The following THSD4 variants were observed in gnomAD, a reference collection of about 807,000 sequenced individuals.
THSD4 encodes thrombospondin type-1 domain-containing protein 4.
In THSD4, 69 loss-of-function variants were observed where a neutral mutation model predicts 119.0. The ratio of observed to expected loss-of-function variants is 0.58; its 90% CI spans 0.48 to 0.71. The LOEUF is 0.71. Ranked by LOEUF, THSD4 falls within the 30% of genes least tolerant of loss-of-function variation. The pLI is 0.00. For missense variants in THSD4, 1,393 were observed against 1,391.1 expected (o/e 1.00, Z -0.02); for synonymous variants, 524 against 540.4 (o/e 0.97, Z 0.42).
At chr15:71,235,069 G>C (rs1166489973) in intron 4 of THSD4, among the ~76,000 whole-genome samples, 2 of 152,104 alleles carry the variant, frequency 1.3e-5, no homozygotes, top group Non-Finnish European at 2.9e-5. Flanking sequence ...AAGTATTTTG[G>C]CAAAAAGCAT....
At chr15:71,770,318 T>A in intron 16 of THSD4, among the ~76,000 whole-genome samples, 1 of 121,760 alleles carries the variant, frequency 8.2e-6, no homozygotes, top group Admixed American at 9.1e-5. Context: ...AATTCCAGCA[T>A]GTGTATGAAT....
At chr15:71,777,134 G>A (rs994080536) in intron 17 of THSD4, 98 bp from the exon 18 acceptor site, 72 of 1,391,876 alleles carry the variant, frequency 5.2e-5, no homozygotes, top group Admixed American at 1.5e-4. Context: ...AAACAGCAGC[G>A]CAGGAGTTAA....
intron 1 of THSD4, among the ~76,000 whole-genome samples, chr15:71,102,881 T>C (rs1448652773): frequency 6.6e-6 from 1 of 152,174 alleles, no homozygotes; most frequent in African/African-American, 2.4e-5. Flanking sequence ...TTATATCTTC[T>C]TTTTTCCCCC....
intron 2 of THSD4, among the ~76,000 whole-genome samples, chr15:71,151,283 C>G (rs2141380068): frequency 6.6e-6 from 1 of 152,238 alleles, no homozygotes; most frequent in Non-Finnish European, 1.5e-5. Flanking sequence ...AATCTCAGAT[C>G]AGTGATTATC....
chr15:71,616,571 A>G (rs1394111360), intron 7 of THSD4, among the ~76,000 whole-genome samples: 1 of 152,250 alleles, frequency 6.6e-6, no homozygotes, highest in African/African-American at 2.4e-5. Flanking sequence ...CTTGGAAAAT[A>G]GGGTTAGAAC....
At chr15:71,201,889 C>G (rs1380145983) in intron 3 of THSD4, among the ~76,000 whole-genome samples, 2 of 152,222 alleles carry the variant, frequency 1.3e-5, no homozygotes, top group African/African-American at 4.8e-5. Context: ...ACAGGCACTG[C>G]TGCAGTGCTC....
At chr15:71,182,075 T>A (rs1289556661) in intron 3 of THSD4, among the ~76,000 whole-genome samples, 58 of 152,140 alleles carry the variant, frequency 3.8e-4, no homozygotes, top group South Asian at 1.0e-3. Context: ...GCAAAAATGA[T>A]ATACATTGAC....
intron 1 of THSD4, among the ~76,000 whole-genome samples, chr15:71,117,012 T>C (rs909683551): frequency 2.6e-5 from 4 of 152,092 alleles, no homozygotes; most frequent in Non-Finnish European, 5.9e-5. Flanking sequence ...AGCAAGCAGA[T>C]GGGCGTCCTG....
chr15:71,402,526 G>A (rs2046550971), intron 6 of THSD4, among the ~76,000 whole-genome samples: 1 of 152,172 alleles, frequency 6.6e-6, no homozygotes. Flanking sequence ...GGACAGAGGG[G>A]AAGTTGGGCT....
At chr15:71,316,557 A>C (rs147094514) in intron 6 of THSD4, among the ~76,000 whole-genome samples, 1 of 152,290 alleles carries the variant, frequency 6.6e-6, no homozygotes, top group African/African-American at 2.4e-5. Flanking sequence ...CTCCTTAAAT[A>C]TACTACACAC....
Position 71,681,965 on chromosome 15 carries a change from CAG to C in THSD4, c.1357+21235_1357+21236del, listed in dbSNP as rs1259853446. Among the ~76,000 whole-genome samples the C allele has an allele frequency of 1.4e-4, 21 of 152,294 alleles. No individual in the cohort carries two copies. The East Asian group carries it at 4.1e-3, about 29-fold the overall frequency. On this transcript the variant is annotated intron_variant, in intron 8 of 17. Transcript: ENST00000261862. ...GTCTTTAAAATGTTCAGCTGTGCCT[CAG>C]AGAACAGTGAAATTTCTGCTGTCAG...
At chr15:71,215,589 G>A (rs2043926329) in intron 4 of THSD4, among the ~76,000 whole-genome samples, 190 bp downstream of exon 4, 1 of 152,370 alleles carries the variant, frequency 6.6e-6, no homozygotes, top group Admixed American at 6.5e-5. Flanking sequence ...GCCTTGTAAA[G>A]TGTTGAGGCC....
chr15:71,744,218 A>AAAATAGATG (rs2053291382), intron 11 of THSD4, among the ~76,000 whole-genome samples: 1 of 150,970 alleles, frequency 6.6e-6, no homozygotes. Context: ...CTTTTTATCG[A>AAAATAGATG]AAATAGATGT....
chr15:71,556,032 T>C (rs1456593466), intron 7 of THSD4, among the ~76,000 whole-genome samples: 1 of 152,232 alleles, frequency 6.6e-6, no homozygotes. Flanking sequence ...ACAAGTAACA[T>C]GCTGTCTTAA....
At chr15:71,673,375 C>T (rs1595851549) in intron 8 of THSD4, among the ~76,000 whole-genome samples, 1 of 152,168 alleles carries the variant, frequency 6.6e-6, no homozygotes, top group Non-Finnish European at 1.5e-5. Flanking sequence ...TGATTCTTCT[C>T]TCTTTTCTTC....
chr15:71,685,311 TCTC>T (rs906964286), intron 8 of THSD4, among the ~76,000 whole-genome samples: 12 of 152,096 alleles, frequency 7.9e-5, no homozygotes, highest in African/African-American at 2.7e-4. Context: ...AGGACCCTTT[TCTC>T]CTCTTTAAAA....
intron 7 of THSD4, among the ~76,000 whole-genome samples, chr15:71,629,620 C>T (rs1240121864): frequency 6.6e-6 from 1 of 152,150 alleles, no homozygotes; most frequent in African/African-American, 2.4e-5. Context: ...AAGAGATGCT[C>T]AGGCCCCCTG....
chr15:71,181,277 CTTA>C (rs1326644919), intron 3 of THSD4, among the ~76,000 whole-genome samples: 1 of 152,064 alleles, frequency 6.6e-6, no homozygotes, highest in Non-Finnish European at 1.5e-5. Flanking sequence ...GTAAAGAGAC[CTTA>C]TTAAGAAAAG....
rs537926078 is a variant in THSD4 at position 71,744,542 on chromosome 15, C to T, written c.1907-564C>T. On this transcript the variant is annotated intron_variant, in intron 11 of 17. Transcript: ENST00000261862. ...TGAATCTTCTACTTCTGTGCTTCAACCTATCCCTTAAATGTACCTGGTGTA... is the reference window on the plus strand; with the variant it reads ...TGAATCTTCTACTTCTGTGCTTCAATCTATCCCTTAAATGTACCTGGTGTA... Among the ~76,000 whole-genome samples the T allele has an allele frequency of 2.6e-5, 4 of 152,280 alleles. No individual in the cohort carries two copies. The South Asian group carries it at 8.3e-4, about 32-fold the overall frequency.
Sources: allele counts gnomAD v4.1 joint callset (sites outside exome capture counted in the v4.1 genomes callset), GRCh38; gene constraint gnomAD v4.1.1; transcripts MANE v1.5; gene names NCBI Gene and HGNC (gene_info 2026-07-23, HGNC 2026-07-21).